The following RNF169 variants were observed in gnomAD, a reference collection of about 807,000 sequenced individuals.
RNF169 encodes E3 ubiquitin-protein ligase RNF169.
Under a neutral mutation model 53.9 loss-of-function variants are expected in RNF169, and 24 were observed. The ratio of observed to expected loss-of-function variants is 0.45; its 90% CI spans 0.32 to 0.63. RNF169 has a LOEUF of 0.63. RNF169 is among the 20% of genes least tolerant of loss of function. RNF169 has a pLI of 0.04. For missense variants in RNF169, 883 were observed against 906.2 expected, an observed-to-expected ratio of 0.97 and a Z score of 0.33; for synonymous variants, 396 against 363.5, an observed-to-expected ratio of 1.09 and a Z score of -1.02.
chr11:74,807,232 A>T (rs547123287), intron 2 of RNF169, among the ~76,000 whole-genome samples: 1 of 152,254 alleles, frequency 6.6e-6, no homozygotes, highest in South Asian at 2.1e-4. Context: ...AAGCCAATCA[A>T]TGTGGAGTAT....
intron 2 of RNF169, among the ~76,000 whole-genome samples, chr11:74,805,099 T>G (rs1001868861): frequency 2.0e-5 from 3 of 152,236 alleles, no homozygotes; most frequent in Non-Finnish European, 2.9e-5. Context: ...CCATAGTAGA[T>G]TTATTCAAAA....
At chr11:74,786,441 T>A (rs1005223289) in intron 1 of RNF169, among the ~76,000 whole-genome samples, 26 of 151,972 alleles carry the variant, frequency 1.7e-4, no homozygotes, top group Admixed American at 1.7e-3. Flanking sequence ...TTGTTTGTTT[T>A]TTGCAGAGAT....
intron 1 of RNF169, among the ~76,000 whole-genome samples, chr11:74,784,569 G>T (rs1332314670): frequency 6.6e-6 from 1 of 152,230 alleles, no homozygotes; most frequent in East Asian, 1.9e-4. Flanking sequence ...GAGGAGTTGT[G>T]ACAACGTATG....
At chr11:74,796,936 T>A (rs957164859) in intron 2 of RNF169, among the ~76,000 whole-genome samples, 1 of 152,240 alleles carries the variant, frequency 6.6e-6, no homozygotes, top group African/African-American at 2.4e-5. Flanking sequence ...CACTACAGAC[T>A]GAAACTCTTG....
At chr11:74,834,469 C>G (rs2036222238) in intron 4 of RNF169, among the ~76,000 whole-genome samples, 1 of 152,160 alleles carries the variant, frequency 6.6e-6, no homozygotes, top group Non-Finnish European at 1.5e-5. Context: ...AATCTTGAAC[C>G]AAATATCCTC....
rs1315374822 is a variant in RNF169, at chr11:74,835,710, T to C, written c.1107T>C (p.Pro369=). The change falls in exon 6 of 6, where the codon CCT becomes CCC. Residue 369 remains proline, a synonymous_variant. Coordinates refer to ENST00000299563, the MANE Select transcript of RNF169 (RefSeq NM_001098638.2). The stretch of plus-strand genomic sequence containing the variant: ...ATAAGCCAGAGCGTTCTGTCAGCCC[T>C]GAGAGCAATGACAGCATCTCCGAAG... ...SLHKPERSVS[P]ESNDSISEEL... is the part of the protein sequence containing the mutation. 5 of 1,614,034 alleles carry C rather than the reference T, an allele frequency of 3.1e-6. No homozygotes were observed. In the Admixed American group the frequency reaches 5.0e-5, roughly 16 times the overall value.
Position 74,836,617 on chromosome 11 carries a change from T to C in RNF169, c.2014T>C (p.Leu672=), listed in dbSNP as rs747874537. ...KLQQEEEDRQ[L]ALQLQRMFDN... is the part of the protein sequence containing the mutation. ...TCAGCAAGAGGAAGAAGACCGACAGTTGGCTCTGCAGTTGCAGCGCATGTT... is the reference window on the plus strand; with the variant it reads ...TCAGCAAGAGGAAGAAGACCGACAGCTGGCTCTGCAGTTGCAGCGCATGTT... The change falls in exon 6 of 6, where the codon TTG becomes CTG. Residue 672 remains leucine (L), a synonymous_variant. Coordinates refer to ENST00000299563, the MANE Select transcript of RNF169 (RefSeq NM_001098638.2). 1.1e-5 allele frequency: 18 copies of C among 1,613,954 alleles called. No individual in the cohort carries two copies.
chr11:74,774,277 T>A (rs1426782079), intron 1 of RNF169, among the ~76,000 whole-genome samples: 1 of 151,138 alleles, frequency 6.6e-6, no homozygotes, highest in African/African-American at 2.4e-5. Flanking sequence ...ACCCAGGAGG[T>A]TGAGGCTGCA....
intron 1 of RNF169, among the ~76,000 whole-genome samples, chr11:74,751,841 G>C (rs1180147464): frequency 2.0e-5 from 3 of 152,150 alleles, no homozygotes; most frequent in African/African-American, 7.2e-5. Flanking sequence ...TGGGTTGTCT[G>C]ATCCTCTTGT....
chr11:74,796,740 T>G (rs746085611), intron 2 of RNF169, among the ~76,000 whole-genome samples: 8 of 152,210 alleles, frequency 5.3e-5, no homozygotes, highest in Non-Finnish European at 1.2e-4. Flanking sequence ...GGTTTTTACA[T>G]TGGGAAAGGT....
chr11:74,774,295 G>C (rs1187217168), intron 1 of RNF169, among the ~76,000 whole-genome samples: 1 of 150,790 alleles, frequency 6.6e-6, no homozygotes, highest in African/African-American at 2.4e-5. Flanking sequence ...GCAGTGAGCC[G>C]AGATGACACT....
At chr11:74,817,569 G>A (rs752343118) in intron 3 of RNF169, 27 bp from the exon 4 acceptor site, 3 of 1,431,804 alleles carry the variant, frequency 2.1e-6, no homozygotes, top group Non-Finnish European at 3.0e-6. Context: ...CAAATGGACA[G>A]TGTTGTCTCC....
chr11:74,803,015 G>T (rs1224001751), intron 2 of RNF169, among the ~76,000 whole-genome samples: 1 of 152,058 alleles, frequency 6.6e-6, no homozygotes, highest in Non-Finnish European at 1.5e-5. Context: ...CCGCCTCCCG[G>T]GTTCACACCA....
rs1392995501 is a variant in RNF169, at chr11:74,840,801, T to G, written c.*4071T>G. ...CCCCGCCCCCACTTTTTTTTTTTTT[T>G]TTTTTTAACCAAACGAACTTGTGAT... On this transcript the variant is annotated 3_prime_UTR_variant, in exon 6 of 6. Transcript: ENST00000299563. The G allele has an allele frequency of 6.6e-6, 1 of 151,186 alleles. No homozygotes were observed. Among genetic ancestry groups the G allele is most frequent in the Admixed American group, 6.6e-5 (1 of 15,200 alleles). The allele number at this position is 151,186 out of a possible 1,614,324, so 9.4% of individuals were successfully genotyped here. A position where few individuals can be genotyped will look rare whatever the true frequency, so the allele number is the denominator to read the frequency against.
intron 3 of RNF169, among the ~76,000 whole-genome samples, chr11:74,810,743 G>T (rs1274212935): frequency 6.6e-6 from 1 of 152,198 alleles, no homozygotes; most frequent in Non-Finnish European, 1.5e-5. Flanking sequence ...GCAGCACAGT[G>T]TAGATATAAG....
intron 1 of RNF169, among the ~76,000 whole-genome samples, chr11:74,781,897 C>T (rs1020064244): frequency 3.9e-5 from 6 of 152,142 alleles, no homozygotes; most frequent in Non-Finnish European, 8.8e-5. Context: ...ACCATAGCAC[C>T]TTCCCATAGA....
chr11:74,749,038 C>T lies in RNF169; in HGVS notation c.158C>T (p.Pro53Leu), dbSNP rs1435506822. ...CCTTCGCTGTTGGTGTTGTCGCCGC[C>T]GTTGCTGCAGCCGCCGCTGCCGCCG... is the stretch of plus-strand genomic sequence containing the variant. ...SGPSLLVLSP[P>L]LLQPPLPPRP... The change falls in exon 1 of 6, where the codon CCG (proline) becomes CTG (leucine). Residue 53 changes from proline to leucine, a missense_variant. Physicochemically the swap from Pro to Leu is moderately conservative, Grantham distance 98 (BLOSUM62 -3). Transcript: ENST00000299563. The T allele has an allele frequency of 6.8e-6, 10 of 1,471,970 alleles. No individual in the cohort carries two copies. The highest frequency in any genetic ancestry group is 8.1e-6 in the Non-Finnish European group (9 of 1,109,626). The allele number at this position is 1,471,970 out of a possible 1,614,324, so 91.2% of individuals were successfully genotyped here. A position where few individuals can be genotyped will look rare whatever the true frequency, so the allele number is the denominator to read the frequency against.
intron 1 of RNF169, among the ~76,000 whole-genome samples, chr11:74,784,888 G>A (rs2035465802): frequency 6.6e-6 from 1 of 152,136 alleles, no homozygotes; most frequent in Admixed American, 6.5e-5. Context: ...AGGATAGACA[G>A]GCCTGCTGTG....
At chr11:74,755,163 A>G (rs1652069902) in intron 1 of RNF169, among the ~76,000 whole-genome samples, 1 of 152,240 alleles carries the variant, frequency 6.6e-6, no homozygotes, top group South Asian at 2.1e-4. Context: ...CGAGAATTTG[A>G]GAGTGTCCTT....
Sources: allele counts gnomAD v4.1 joint callset (sites outside exome capture counted in the v4.1 genomes callset), GRCh38; gene constraint gnomAD v4.1.1; transcripts MANE v1.5; gene names NCBI Gene and HGNC (gene_info 2026-07-23, HGNC 2026-07-21).